The following ERC2 variants were observed in gnomAD, a reference collection of about 807,000 sequenced individuals.
The protein encoded by ERC2 is ELKS/RAB6-interacting/CAST family member 2, also known as ERC protein 2.
A neutral mutation model predicts 114.8 loss-of-function variants in ERC2; 42 were observed. The observed-to-expected ratio is 0.37, with a 90% confidence interval of 0.29 to 0.47. The LOEUF (loss-of-function observed/expected upper bound fraction) is 0.47, where lower values mean the gene tolerates loss of function less well. Among genes scored for constraint, ERC2 ranks in the 20% least tolerant of loss-of-function variants. The probability of loss-of-function intolerance (pLI) is 0.99; values close to 1 mark genes in which losing one functional copy is unlikely to be tolerated. For missense variants in ERC2, 939 were observed against 1,150.7 expected (o/e 0.82, Z 2.66); for synonymous variants, 454 against 425.5 (o/e 1.07, Z -0.82).
intron 3 of ERC2, among the ~76,000 whole-genome samples, chr3:56,277,148 G>T (rs1048196290): frequency 2.0e-5 from 3 of 152,224 alleles, no homozygotes; most frequent in Non-Finnish European, 4.4e-5. Context: ...GTGAATGAAT[G>T]AATGAATGAG....
At chr3:55,531,764 G>A (rs894435563) in intron 17 of ERC2, among the ~76,000 whole-genome samples, 5 of 152,132 alleles carry the variant, frequency 3.3e-5, no homozygotes, top group African/African-American at 1.2e-4. Flanking sequence ...TGCCTTTGTC[G>A]AATGGTTTGC....
At chr3:56,303,908 A>AT (rs1324259768) in intron 2 of ERC2, among the ~76,000 whole-genome samples, 4 of 152,204 alleles carry the variant, frequency 2.6e-5, no homozygotes, top group African/African-American at 4.8e-5. Flanking sequence ...GAGTCCAAAA[A>AT]ATTCAGATTA....
At chr3:55,954,215 A>G (rs1007734118) in intron 12 of ERC2, among the ~76,000 whole-genome samples, 3 of 152,014 alleles carry the variant, frequency 2.0e-5, no homozygotes, top group African/African-American at 7.2e-5. Flanking sequence ...TGGTAAAAGA[A>G]GTATTTGGAA....
rs115695860 is a variant in ERC2, at chr3:56,383,343, C to A, written c.657+51008G>T. Among the ~76,000 whole-genome samples, 761 of 152,282 alleles carry A rather than the reference C, an allele frequency of 5.0e-3. 3 individuals are homozygous for A. Among genetic ancestry groups the A allele is most frequent in the Non-Finnish European group, 7.7e-3 (525 of 68,022 alleles). ...AATGGACAACAAATCCTTCCATGATCCGGTGCCTTTCCTTCTAATCCTGTT... is the reference window on the plus strand; with the variant it reads ...AATGGACAACAAATCCTTCCATGATACGGTGCCTTTCCTTCTAATCCTGTT... On this transcript the variant is annotated intron_variant, in intron 2 of 17. Transcript: ENST00000288221.
chr3:55,907,458 C>A (rs2064526490), intron 13 of ERC2, among the ~76,000 whole-genome samples: 1 of 152,140 alleles, frequency 6.6e-6, no homozygotes, highest in African/African-American at 2.4e-5. Flanking sequence ...GTACTCAGTG[C>A]CAAGATGCTG....
intron 13 of ERC2, among the ~76,000 whole-genome samples, chr3:55,937,157 A>T (rs2066495669): frequency 6.6e-6 from 1 of 152,212 alleles, no homozygotes; most frequent in Non-Finnish European, 1.5e-5. Flanking sequence ...CCTGGCCAAC[A>T]TGGTGAAACC....
intron 3 of ERC2, among the ~76,000 whole-genome samples, chr3:56,242,394 C>G (rs1287846129): frequency 6.6e-6 from 1 of 152,110 alleles, no homozygotes; most frequent in Non-Finnish European, 1.5e-5. Context: ...ATACCAAAAT[C>G]TCAGAAATCA....
rs867736414 is a variant in ERC2 at position 55,960,231 on chromosome 3, A to C, written c.2268-9671T>G. ...TCTTCCAACGGCTTCCCTTTCCCAA[A>C]GAATAAAATTGCACACCAGTGAACT... is the stretch of plus-strand genomic sequence containing the variant. On this transcript the variant is annotated intron_variant, in intron 12 of 17. Transcript: ENST00000288221. 1.1e-4 allele frequency among the ~76,000 whole-genome samples: 16 copies of C among 152,286 alleles called. No homozygotes were observed. The South Asian group carries it at 3.1e-3, about 30-fold the overall frequency.
At chr3:56,214,034 T>C (rs1008902386) in intron 3 of ERC2, among the ~76,000 whole-genome samples, 6 of 152,096 alleles carry the variant, frequency 3.9e-5, no homozygotes, top group African/African-American at 7.2e-5. Flanking sequence ...CAAAGGTAGA[T>C]AGAACCACAA....
intron 15 of ERC2, among the ~76,000 whole-genome samples, chr3:55,703,239 C>G (rs1415232985): frequency 6.6e-6 from 1 of 152,164 alleles, no homozygotes; most frequent in Non-Finnish European, 1.5e-5. Context: ...AGGAAAACAG[C>G]CTGGGTCTTT....
intron 7 of ERC2, among the ~76,000 whole-genome samples, chr3:56,051,825 A>AC (rs1491299890): frequency 2.1e-5 from 2 of 96,478 alleles, no homozygotes; most frequent in African/African-American, 7.7e-5. Context: ...ACTCCATCTC[A>AC]AACACACACA....
chr3:56,126,317 T>G (rs1354267313), intron 6 of ERC2, among the ~76,000 whole-genome samples: 1 of 152,172 alleles, frequency 6.6e-6, no homozygotes, highest in East Asian at 1.9e-4. Context: ...TCAATAGAGG[T>G]GATACATCAT....
chr3:55,859,065 C>G (rs189303930), intron 14 of ERC2, among the ~76,000 whole-genome samples: 62 of 152,276 alleles, frequency 4.1e-4, no homozygotes, highest in African/African-American at 1.5e-3. Flanking sequence ...TGGCCATGTA[C>G]TTCTCCCAGC....
intron 13 of ERC2, among the ~76,000 whole-genome samples, chr3:55,947,538 T>C (rs1429504358): frequency 1.3e-5 from 2 of 151,474 alleles, no homozygotes; most frequent in African/African-American, 4.8e-5. Context: ...GTAGGCCTTA[T>C]GAGGCCTAGT....
intron 2 of ERC2, among the ~76,000 whole-genome samples, chr3:56,355,194 C>T (rs76072820): frequency 0.017 from 2,590 of 152,090 alleles, 36 homozygotes; most frequent in Middle Eastern, 0.037. Context: ...TGAATGAGCC[C>T]CTGTTGTTTG....
At chr3:56,260,965 G>A (rs935099719) in intron 3 of ERC2, among the ~76,000 whole-genome samples, 21 of 152,086 alleles carry the variant, frequency 1.4e-4, no homozygotes, top group African/African-American at 4.1e-4. Flanking sequence ...TGGTATTCTC[G>A]ACAAATTAAT....
At chr3:56,188,080 C>A (rs750871839) in intron 3 of ERC2, among the ~76,000 whole-genome samples, 1 of 152,126 alleles carries the variant, frequency 6.6e-6, no homozygotes, top group African/African-American at 2.4e-5. Context: ...GAGGAAAGGG[C>A]CTGTCATCCA....
chr3:55,906,814 GT>G (rs1181201645), intron 13 of ERC2, among the ~76,000 whole-genome samples: 2 of 152,198 alleles, frequency 1.3e-5, no homozygotes, highest in African/African-American at 4.8e-5. Flanking sequence ...GTTGATGAGT[GT>G]TTCTGTGTTT....
At chr3:55,974,079 G>A (rs1355273507) in intron 12 of ERC2, among the ~76,000 whole-genome samples, 2 of 152,160 alleles carry the variant, frequency 1.3e-5, no homozygotes, top group African/African-American at 2.4e-5. Context: ...AGCCAGCACA[G>A]ATCCTTTCTA....
Sources: allele counts gnomAD v4.1 joint callset (sites outside exome capture counted in the v4.1 genomes callset), GRCh38; gene constraint gnomAD v4.1.1; transcripts MANE v1.5; gene names NCBI Gene and HGNC (gene_info 2026-07-23, HGNC 2026-07-21).